Variants in OSBPL5 observed in about 807,000 individuals in gnomAD.
OSBPL5 encodes the protein oxysterol binding protein like 5, also known as oxysterol-binding protein-related protein 5.
In OSBPL5, 71 loss-of-function variants were observed where a neutral mutation model predicts 111.2. The ratio of observed to expected loss-of-function variants is 0.64; its 90% CI spans 0.53 to 0.78. OSBPL5 has a LOEUF of 0.78. OSBPL5 is among the 30% of genes least tolerant of loss of function. OSBPL5 has a pLI of 0.00. For synonymous variants in OSBPL5, 549 were observed against 513.9 expected, an observed-to-expected ratio of 1.07 and a Z score of -0.93; for missense variants, 1,210 against 1,189.3, an observed-to-expected ratio of 1.02 and a Z score of -0.26.
intron 1 of OSBPL5, among the ~76,000 whole-genome samples, chr11:3,158,855 G>A (rs1012566642): frequency 6.6e-6 from 1 of 152,228 alleles, no homozygotes; most frequent in Admixed American, 6.5e-5. Flanking sequence ...AGGGCCTCGG[G>A]AGTGAAGAGG....
At chr11:3,135,662 C>T (rs545601386) in intron 1 of OSBPL5, among the ~76,000 whole-genome samples, 156 of 152,302 alleles carry the variant, frequency 1.0e-3, no homozygotes, top group African/African-American at 3.7e-3. Context: ...GTGATGGTGT[C>T]GTGCAGCTGC....
intron 12 of OSBPL5, 77 bp downstream of exon 12, chr11:3,102,106 T>C (rs956565690): frequency 6.9e-7 from 1 of 1,452,774 alleles, no homozygotes; most frequent in East Asian, 2.5e-5. Context: ...CCCTGCCTGC[T>C]GCCAGGGCCC....
At chr11:3,153,026 G>T (rs1189517887) in intron 1 of OSBPL5, among the ~76,000 whole-genome samples, 1 of 152,060 alleles carries the variant, frequency 6.6e-6, no homozygotes, top group Non-Finnish European at 1.5e-5. Flanking sequence ...AGAAGAGGAG[G>T]AGTCTGGGGC....
At chr11:3,131,616 CATCT>C (rs201151298) in intron 1 of OSBPL5, among the ~76,000 whole-genome samples, 76,392 of 136,834 alleles carry the variant, frequency 0.56, 22,394 homozygotes, top group Non-Finnish European at 0.62. Context: ...CCCATTCATC[CATCT>C]GTCTATTCAT....
At chr11:3,102,125 C>G in intron 12 of OSBPL5, 58 bp downstream of exon 12, 1 of 1,521,340 alleles carries the variant, frequency 6.6e-7, no homozygotes, top group Non-Finnish European at 8.9e-7. Context: ...CCCGCCCCCA[C>G]AGAGCCCCGC....
In OSBPL5 at chr11:3,107,877, T is replaced by C; in HGVS notation, c.760A>G (p.Lys254Glu). 1 of 1,607,552 alleles carries C rather than the reference T, an allele frequency of 6.2e-7. No homozygotes were observed. Among genetic ancestry groups the C allele is most frequent in the Non-Finnish European group, 8.5e-7 (1 of 1,179,886 alleles). ...CSSLLRLGTC[K>E]PGRDGEPGTS... Reference sequence around the variant, plus strand: ...CCTGGCTCCCCGTCTCGGCCCGGCTTGCAGGTGCCCAGTCTCAGTAGGCTA... The same window carrying C: ...CCTGGCTCCCCGTCTCGGCCCGGCTCGCAGGTGCCCAGTCTCAGTAGGCTA... Residue 254 changes from lysine (K) to glutamate (E), a missense_variant, in exon 8 of 22, where the codon AAG becomes GAG. Lys to Glu is a moderately conservative substitution (Grantham distance 56, BLOSUM62 1). Coordinates refer to ENST00000263650, the MANE Select transcript of OSBPL5 (RefSeq NM_020896.4). This position sits in a 1 kb window ranked among gnomAD's most constrained non-coding sequence, Gnocchi z 6.1.
In OSBPL5 at chr11:3,104,128, G is replaced by T. The variant is rs1857613876; in HGVS notation, c.1244+65C>A. 1.6e-5 allele frequency: 24 copies of T among 1,510,812 alleles called. No homozygotes were observed. In the South Asian group the frequency reaches 2.8e-4, roughly 18 times the overall value. 93.6% of individuals were successfully genotyped at this position (1,510,812 alleles called of 1,614,324 possible). On this transcript the variant is annotated intron_variant, in intron 10 of 21. Coordinates refer to ENST00000263650, the MANE Select transcript of OSBPL5 (RefSeq NM_020896.4). The surrounding 1 kb of genome is among the most constrained non-coding windows in gnomAD (Gnocchi z 5.0). ...CCCACAGGGCAGGTAGGGGCTGGGGGTGCTGCAGGGTCTCATGCAGATGCA... is the reference window on the plus strand; with the variant it reads ...CCCACAGGGCAGGTAGGGGCTGGGGTTGCTGCAGGGTCTCATGCAGATGCA...
intron 10 of OSBPL5, among the ~76,000 whole-genome samples, chr11:3,103,854 G>GCCTGCGTACCCCCTTCCAGCC: frequency 9.7e-6 from 1 of 103,474 alleles, no homozygotes; most frequent in South Asian, 3.3e-4. Flanking sequence ...CCCCTTTCCA[G>GCCTGCGTACCCCCTTCCAGCC]TCTGCGCAGC....
At position 3,106,376 on chromosome 11, in the gene OSBPL5, C is replaced by T. The variant is rs1857693937; in HGVS notation, c.1059+887G>A. Among the ~76,000 whole-genome samples the T allele has an allele frequency of 6.6e-6, 1 of 152,126 alleles. No homozygotes were observed. Among genetic ancestry groups the T allele is most frequent in the Non-Finnish European group, 1.5e-5 (1 of 68,020 alleles). ...GTGAGAATGACAAGATCCCAGATCA[C>T]AGAGCCCCCCGTTCCTGACAGCCCC... is the stretch of plus-strand genomic sequence containing the variant. On this transcript the variant is annotated intron_variant, in intron 9 of 21. Transcript: ENST00000263650. This position sits in a 1 kb window ranked among gnomAD's most constrained non-coding sequence, Gnocchi z 8.4.
In OSBPL5 at chr11:3,104,539, C is replaced by G. The variant is rs1272469145; in HGVS notation, c.1060-162G>C. Among the ~76,000 whole-genome samples the G allele has an allele frequency of 6.6e-6, 1 of 152,198 alleles. No homozygotes were observed. The highest frequency in any genetic ancestry group is 1.5e-5 in the Non-Finnish European group (1 of 68,028). Reference sequence around the variant, plus strand: ...CCTCATGAGGCTGACTCAGCCCCATCAGATGTGAACTCTTCCCAATGCGTC... The same window carrying G: ...CCTCATGAGGCTGACTCAGCCCCATGAGATGTGAACTCTTCCCAATGCGTC... On this transcript the variant is annotated intron_variant, in intron 9 of 21. Coordinates refer to ENST00000263650, the MANE Select transcript of OSBPL5 (RefSeq NM_020896.4). This position sits in a 1 kb window ranked among gnomAD's most constrained non-coding sequence, Gnocchi z 5.0.
Position 3,092,388 on chromosome 11 carries a change from G to C in OSBPL5, c.2259+44C>G, listed in dbSNP as rs189667809. On this transcript the variant is annotated intron_variant, in intron 19 of 21. Transcript: ENST00000263650. The surrounding 1 kb of genome is among the most constrained non-coding windows in gnomAD (Gnocchi z 5.4). Reference sequence around the variant, plus strand: ...GAGCGAGGGGTGGTGGTGGCCACACGTGCAGCTAAGACCAGCCCTGGGTGG... The same window carrying C: ...GAGCGAGGGGTGGTGGTGGCCACACCTGCAGCTAAGACCAGCCCTGGGTGG... The C allele has an allele frequency of 1.4e-5, 21 of 1,527,386 alleles. No individual in the cohort carries two copies. Among genetic ancestry groups the C allele is most frequent in the Non-Finnish European group, 1.9e-5 (21 of 1,132,136 alleles). 94.6% of individuals were successfully genotyped at this position (1,527,386 alleles called of 1,614,324 possible). A position where few individuals can be genotyped will look rare whatever the true frequency, so the allele number is the denominator to read the frequency against.
chr11:3,094,157 C>T (rs943986904), intron 15 of OSBPL5, 80 bp downstream of exon 15: 7 of 1,372,332 alleles, frequency 5.1e-6, no homozygotes, highest in South Asian at 2.5e-5. Context: ...TTCCTTGGGG[C>T]CTGGGGAGAG....
At chr11:3,135,776 C>G (rs891484567) in intron 1 of OSBPL5, among the ~76,000 whole-genome samples, 10 of 152,272 alleles carry the variant, frequency 6.6e-5, no homozygotes, top group Non-Finnish European at 8.8e-5. Context: ...CACTGCTTGA[C>G]CCCCCTTCCT....
At position 3,121,541 on chromosome 11, in the gene OSBPL5, T is replaced by C. The variant is rs532030682; in HGVS notation, c.402+456A>G. Among the ~76,000 whole-genome samples, 88 of 152,204 alleles carry C rather than the reference T, an allele frequency of 5.8e-4. 1 individual carries two copies. The South Asian group carries it at 9.6e-3, about 17-fold the overall frequency. ...ATGCGTTGCCCAGCAGCCTCGGAGT[T>C]GGGCAGTTTTACCTCCACTGTACAC... On this transcript the variant is annotated intron_variant, in intron 5 of 21. Transcript: ENST00000263650. This position sits in a 1 kb window ranked among gnomAD's most constrained non-coding sequence, Gnocchi z 4.3.
chr11:3,163,883 A>T (rs1191580162), intron 1 of OSBPL5: 1 of 152,348 alleles, frequency 6.6e-6, no homozygotes, highest in Non-Finnish European at 1.5e-5. Flanking sequence ...AGCTGGGCAC[A>T]TGATGCCACC....
At chr11:3,127,355 G>A (rs12365871) in intron 2 of OSBPL5, among the ~76,000 whole-genome samples, 101,599 of 152,218 alleles carry the variant, frequency 0.67, 34,492 homozygotes, top group African/African-American at 0.74. Context: ...GGCTGGGTGC[G>A]TGGACAGACG....
chr11:3,109,465 C>T lies in OSBPL5; in HGVS notation c.692-1520G>A, dbSNP rs1352810456. ...GAGCATTGAAGGCGGTTCTGTGCCTCTCTGAGCCTCTGCCTTTTCGAGCTC... is the reference window on the plus strand; with the variant it reads ...GAGCATTGAAGGCGGTTCTGTGCCTTTCTGAGCCTCTGCCTTTTCGAGCTC... On this transcript the variant is annotated intron_variant, in intron 7 of 21. Coordinates refer to ENST00000263650, the MANE Select transcript of OSBPL5 (RefSeq NM_020896.4). The surrounding 1 kb of genome is among the most constrained non-coding windows in gnomAD (Gnocchi z 7.4). Among the ~76,000 whole-genome samples, 3 of 152,182 alleles carry T rather than the reference C, an allele frequency of 2.0e-5. No individual in the cohort carries two copies. The highest frequency in any genetic ancestry group is 2.0e-4 in the Admixed American group (3 of 15,280).
chr11:3,093,677 C>T lies in OSBPL5; in HGVS notation c.1810-14G>A, dbSNP rs1396896396. 1.2e-6 allele frequency: 2 copies of T among 1,613,060 alleles called. No individual in the cohort carries two copies. The highest frequency in any genetic ancestry group is 1.7e-5 in the Admixed American group (1 of 60,014). ...CACGTCCCTGTCCTGCCCCAGATGG[C>T]CAGCGGGGTCAGAGGCTGGCCTGGC... is the stretch of plus-strand genomic sequence containing the variant. On this transcript the variant is annotated splice_polypyrimidine_tract_variant and intron_variant, in intron 16 of 21. Coordinates refer to ENST00000263650, the MANE Select transcript of OSBPL5 (RefSeq NM_020896.4).
Position 3,089,833 on chromosome 11 carries a change from G to C in OSBPL5, c.2501+13C>G. Reference sequence around the variant, plus strand: ...GACCCGGAGTCTGGATGGACACCCTGAGTGTGGCCCACCTGTGCAGCTCCT... The same window carrying C: ...GACCCGGAGTCTGGATGGACACCCTCAGTGTGGCCCACCTGTGCAGCTCCT... On this transcript the variant is annotated intron_variant, in intron 21 of 21. Transcript: ENST00000263650. 1.3e-6 allele frequency: 2 copies of C among 1,552,780 alleles called. No individual in the cohort carries two copies. The highest frequency in any genetic ancestry group is 1.7e-6 in the Non-Finnish European group (2 of 1,147,780).
Sources: gnomAD v4.1 joint callset for allele counts (sites outside exome capture counted in the v4.1 genomes callset) on GRCh38, gnomAD v4.1.1 for gene constraint, Gnocchi (gnomAD v3.1) non-coding constraint, MANE v1.5 for transcripts, NCBI Gene and HGNC (gene_info 2026-07-23, HGNC 2026-07-21) for gene names.